The following TMEM132B variants were observed in gnomAD, a reference collection of about 807,000 sequenced individuals.
TMEM132B encodes transmembrane protein 132B.
A neutral mutation model predicts 90.8 loss-of-function variants in TMEM132B; 18 were observed. The observed-to-expected ratio is 0.20, with a 90% CI of 0.14 to 0.29. The LOEUF is 0.29. Ranked by LOEUF, TMEM132B falls within the 10% of genes least tolerant of loss-of-function variation. The pLI is 1.00. For synonymous variants in TMEM132B, 504 were observed against 523.3 expected (o/e 0.96, Z 0.50); for missense variants, 1,096 against 1,326.8 (o/e 0.83, Z 2.70).
intron 1 of TMEM132B, among the ~76,000 whole-genome samples, chr12:125,310,018 G>A (rs1321855394): frequency 1.3e-5 from 2 of 152,126 alleles, no homozygotes. Flanking sequence ...GTGGCTGCCT[G>A]GCTTCCTTGC....
At chr12:125,454,378 G>GT (rs1273708417) in intron 3 of TMEM132B, among the ~76,000 whole-genome samples, 3 of 137,496 alleles carry the variant, frequency 2.2e-5, no homozygotes, top group Admixed American at 7.5e-5. Context: ...AGCCAGCCGT[G>GT]TGTGTGTGTG....
rs7311403 is a variant in TMEM132B, at chr12:125,594,067, C to G, written c.1437+10073C>G. On this transcript the variant is annotated intron_variant, in intron 5 of 8. Coordinates refer to ENST00000682704, the MANE Select transcript of TMEM132B (RefSeq NM_001366854.1). ...TTATAATCTCCTCTCTTCTGCCCCT[C>G]TCCACTTGTTCCCAGATAGCCACTC... Among the ~76,000 whole-genome samples, 1,074 of 152,314 alleles carry G rather than the reference C, an allele frequency of 7.1e-3. 13 individuals are homozygous for G. The highest frequency in any genetic ancestry group is 0.024 in the African/African-American group (1,011 of 41,572).
intron 4 of TMEM132B, among the ~76,000 whole-genome samples, chr12:125,536,405 A>C (rs1456455137): frequency 6.6e-6 from 1 of 151,758 alleles, no homozygotes; most frequent in Non-Finnish European, 1.5e-5. Context: ...TGTACCATAA[A>C]CCTCCTGGGG....
chr12:125,276,264 G>A (rs887836153), intron 1 of TMEM132B, among the ~76,000 whole-genome samples: 2 of 152,224 alleles, frequency 1.3e-5, no homozygotes, highest in African/African-American at 4.8e-5. Flanking sequence ...TTCTGACCTC[G>A]AAGCGGTCAG....
At chr12:125,614,525 C>A (rs1271502713) in intron 5 of TMEM132B, among the ~76,000 whole-genome samples, 1 of 152,022 alleles carries the variant, frequency 6.6e-6, no homozygotes, top group Non-Finnish European at 1.5e-5. Flanking sequence ...CTGATGGGCA[C>A]CTGGGTAGAT....
intron 1 of TMEM132B, among the ~76,000 whole-genome samples, chr12:125,218,986 T>C (rs551738259): frequency 4.0e-4 from 61 of 152,300 alleles, no homozygotes; most frequent in African/African-American, 1.3e-3. Context: ...GTGAATATAC[T>C]AAATGCCACT....
chr12:125,192,123 T>C (rs574069178), intron 1 of TMEM132B, among the ~76,000 whole-genome samples: 1 of 152,240 alleles, frequency 6.6e-6, no homozygotes, highest in South Asian at 2.1e-4. Context: ...GGGCACACTG[T>C]GTGTTCTTAG....
chr12:125,554,941 A>T (rs759809822), intron 4 of TMEM132B, among the ~76,000 whole-genome samples: 1 of 152,186 alleles, frequency 6.6e-6, no homozygotes, highest in Admixed American at 6.5e-5. Flanking sequence ...AGGTGGTTTT[A>T]TCACTGGGGG....
At chr12:125,188,148 C>T (rs1957770615) in intron 1 of TMEM132B, among the ~76,000 whole-genome samples, 1 of 152,216 alleles carries the variant, frequency 6.6e-6, no homozygotes, top group African/African-American at 2.4e-5. Flanking sequence ...TATTTACCAA[C>T]ACCTTCGACT....
In TMEM132B at chr12:125,218,769, G is replaced by GTTTTTTTTTTTTTTTTTTTTTTTTT. The variant is rs34905706; in HGVS notation, c.67+31924_67+31925insTTTTTTTTTTTTTTTTTTTTTTTTT. Among the ~76,000 whole-genome samples the GTTTTTTTTTTTTTTTTTTTTTTTTT allele has an allele frequency of 1.8e-5, 2 of 108,854 alleles. 1 individual carries two copies. The highest frequency in any genetic ancestry group is 3.5e-5 in the Non-Finnish European group (2 of 57,550). The allele number at this position is 108,854 out of a possible 152,430, so 71.4% of individuals were successfully genotyped here. On this transcript the variant is annotated intron_variant, in intron 1 of 8. Transcript: ENST00000682704. ...GAGGGACATCTTTCTTGTTGAAGCT[G>GTTTTTTTTTTTTTTTTTTTTTTTTT]TTTTTTTTTTTTTTTTTTTTTATTG... is the stretch of plus-strand genomic sequence containing the variant.
In TMEM132B at chr12:125,238,942, T is replaced by C. The variant is rs181764443; in HGVS notation, c.67+52076T>C. The stretch of plus-strand genomic sequence containing the variant: ...CCAGTCTCTGATGTGGCGCCTGGAA[T>C]AGAAGATGAAAGATGTCCTCAAAAG... On this transcript the variant is annotated intron_variant, in intron 1 of 8. Coordinates refer to ENST00000682704, the MANE Select transcript of TMEM132B (RefSeq NM_001366854.1). 5.3e-3 allele frequency among the ~76,000 whole-genome samples: 809 copies of C among 152,148 alleles called. 3 individuals carry two copies. The highest frequency in any genetic ancestry group is 0.019 in the African/African-American group (772 of 41,510).
At chr12:125,637,961 AC>A (rs1480420047) in intron 5 of TMEM132B, among the ~76,000 whole-genome samples, 2 of 152,202 alleles carry the variant, frequency 1.3e-5, no homozygotes, top group Non-Finnish European at 2.9e-5. Flanking sequence ...AACTCATTGA[AC>A]TTTATCCTTT....
intron 2 of TMEM132B, among the ~76,000 whole-genome samples, chr12:125,384,383 A>G (rs1165205579): frequency 6.6e-6 from 1 of 152,180 alleles, no homozygotes. Flanking sequence ...TTTTGTTTCT[A>G]TGTTTTAAAA....
At chr12:125,538,733 G>T (rs969707966) in intron 4 of TMEM132B, among the ~76,000 whole-genome samples, 1 of 152,154 alleles carries the variant, frequency 6.6e-6, no homozygotes, top group Non-Finnish European at 1.5e-5. Context: ...TAAGATTTTG[G>T]TAATTCCAGG....
chr12:125,363,980 A>G (rs1878043994), intron 2 of TMEM132B, among the ~76,000 whole-genome samples: 1 of 152,234 alleles, frequency 6.6e-6, no homozygotes, highest in Non-Finnish European at 1.5e-5. Context: ...TAAATCCCCA[A>G]GATTTGAGGC....
intron 5 of TMEM132B, among the ~76,000 whole-genome samples, chr12:125,619,245 C>T (rs1201393212): frequency 6.6e-6 from 1 of 152,166 alleles, no homozygotes. Flanking sequence ...CCTGGCTTCC[C>T]AAGAAGCTCT....
chr12:125,542,313 G>A (rs1448060900), intron 4 of TMEM132B, among the ~76,000 whole-genome samples: 1 of 152,078 alleles, frequency 6.6e-6, no homozygotes, highest in East Asian at 1.9e-4. Flanking sequence ...TGGTAGATTT[G>A]TTTTTTCCTG....
At chr12:125,345,954 T>C (rs1408673434) in intron 1 of TMEM132B, among the ~76,000 whole-genome samples, 3 of 152,212 alleles carry the variant, frequency 2.0e-5, no homozygotes, top group African/African-American at 7.2e-5. Flanking sequence ...AGCTTTTCAG[T>C]GTATTTCTCA....
intron 1 of TMEM132B, among the ~76,000 whole-genome samples, chr12:125,317,959 T>G (rs1593082270): frequency 6.6e-6 from 1 of 152,332 alleles, no homozygotes; most frequent in East Asian, 1.9e-4. Flanking sequence ...CAACCTAAAC[T>G]TCCAGCAGGA....
Sources: gnomAD v4.1 joint callset for allele counts (sites outside exome capture counted in the v4.1 genomes callset) on GRCh38, gnomAD v4.1.1 for gene constraint, MANE v1.5 for transcripts, NCBI Gene and HGNC (gene_info 2026-07-23, HGNC 2026-07-21) for gene names.